Variants in RPS6KA3 observed in about 807,000 individuals in gnomAD.
The protein encoded by RPS6KA3 is ribosomal protein S6 kinase A3.
Under a neutral mutation model 67.2 loss-of-function variants are expected in RPS6KA3, and 4 were observed. The ratio of observed to expected loss-of-function variants is 0.06; its 90% CI spans 0.03 to 0.14. The LOEUF (loss-of-function observed/expected upper bound fraction) is 0.14, where lower values mean the gene tolerates loss of function less well. Among genes scored for constraint, RPS6KA3 ranks in the 10% least tolerant of loss-of-function variants. The pLI, the probability that RPS6KA3 is intolerant of heterozygous loss-of-function variation, is 1.00. For synonymous variants in RPS6KA3, 182 were observed against 183.7 expected, an observed-to-expected ratio of 0.99 and a Z score of 0.07; for missense variants, 204 against 559.0, an observed-to-expected ratio of 0.36 and a Z score of 6.40.
intron 1 of RPS6KA3, among the ~76,000 whole-genome samples, chrX:20,265,201 G>T (rs1299074270): frequency 9.0e-6 from 1 of 111,598 alleles, no homozygotes; most frequent in Non-Finnish European, 1.9e-5. Context: ...TTACAACTCT[G>T]CGTGCGTTAA....
chrX:20,220,788 C>G (rs1187036057), intron 2 of RPS6KA3, among the ~76,000 whole-genome samples: 1 of 111,068 alleles, frequency 9.0e-6, no homozygotes, highest in African/African-American at 3.3e-5. Flanking sequence ...GAAATGATAC[C>G]TTAATTAAAA....
chrX:20,158,302 T>C (rs761380754), intron 20 of RPS6KA3, among the ~76,000 whole-genome samples: 2 of 93,356 alleles, frequency 2.1e-5, no homozygotes, highest in African/African-American at 4.1e-5. Flanking sequence ...AAGTTGGAGG[T>C]TGCAGTGAGC....
At chrX:20,170,166 TA>T (rs2067536898) in intron 15 of RPS6KA3, among the ~76,000 whole-genome samples, 1 of 112,185 alleles carries the variant, frequency 8.9e-6, no homozygotes, top group Non-Finnish European at 1.9e-5. Context: ...GGCTGCTCCT[TA>T]AAAATATTTT....
chrX:20,152,044 T>G lies in RPS6KA3; in HGVS notation c.*3354A>C, dbSNP rs1177645203. The G allele has an allele frequency of 8.9e-6, 1 of 112,174 alleles. No homozygotes were observed. The highest frequency in any genetic ancestry group is 1.9e-5 in the Non-Finnish European group (1 of 53,291). 9.2% of individuals were successfully genotyped at this position (112,174 alleles called of 1,213,427 possible). On this transcript the variant is annotated 3_prime_UTR_variant, in exon 22 of 22. Coordinates refer to ENST00000379565, the MANE Select transcript of RPS6KA3 (RefSeq NM_004586.3). ...TGGGAAATGGTTGACCCAAACCCGC[T>G]TTTTGGAGTACACTGCATGTGAAAT...
chrX:20,211,206 A>G (rs779703326), intron 2 of RPS6KA3, among the ~76,000 whole-genome samples: 54 of 111,704 alleles, frequency 4.8e-4, no homozygotes, highest in Admixed American at 1.6e-3. Context: ...AGTAAACCTT[A>G]GAACAAGCAT....
At chrX:20,177,632 A>T (rs2067732009) in intron 10 of RPS6KA3, among the ~76,000 whole-genome samples, 1 of 112,439 alleles carries the variant, frequency 8.9e-6, no homozygotes, top group African/African-American at 3.2e-5. Flanking sequence ...TGTTACTAAG[A>T]ACTTTGTGAC....
chrX:20,214,235 T>C (rs989530746), intron 2 of RPS6KA3, among the ~76,000 whole-genome samples: 2 of 111,980 alleles, frequency 1.8e-5, no homozygotes, highest in Non-Finnish European at 3.8e-5. Flanking sequence ...CATCTTGGGA[T>C]AGGTCTTCAG....
At chrX:20,185,987 T>C (rs777730643) in intron 10 of RPS6KA3, among the ~76,000 whole-genome samples, 3 of 112,294 alleles carry the variant, frequency 2.7e-5, no homozygotes, top group Non-Finnish European at 1.9e-5. Context: ...TTGCCCAGGA[T>C]GGAGTGCAGT....
rs778745774 is a variant in RPS6KA3, at chrX:20,230,839, G to A, written c.126+3919C>T. Among the ~76,000 whole-genome samples the A allele has an allele frequency of 8.4e-4, 94 of 111,320 alleles. 1 individual carries two copies. The highest frequency in any genetic ancestry group is 2.9e-3 in the African/African-American group (90 of 30,621). On this transcript the variant is annotated intron_variant, in intron 2 of 21. Coordinates refer to ENST00000379565, the MANE Select transcript of RPS6KA3 (RefSeq NM_004586.3). ...CACCTAACATTTTAAATATACATAC[G>A]CAATAACCAGATGGAAAACATAGCA...
At chrX:20,186,430 TAAA>T (rs758237862) in intron 9 of RPS6KA3, 64 bp from the exon 10 acceptor site, 885 of 550,093 alleles carry the variant, frequency 1.6e-3, no homozygotes, top group Middle Eastern at 2.1e-3. Context: ...GGCCAGAAGG[TAAA>T]AAAAAAAAAA....
At position 20,156,196 on chromosome X, in the gene RPS6KA3, A is replaced by G; in HGVS notation, c.2013T>C (p.Ala671=). 8.3e-7 allele frequency: 1 copy of G among 1,209,377 alleles called. No homozygotes were observed. Among genetic ancestry groups the G allele is most frequent in the Non-Finnish European group, 1.1e-6 (1 of 893,260 alleles). The change falls in exon 21 of 22, where the codon GCT becomes GCC. Residue 671 remains alanine, a synonymous_variant. Transcript: ENST00000379565. ...HVDPHQRLTA[A]LVLRHPWIVH... is the part of the protein sequence containing the mutation. Reference sequence around the variant, plus strand: ...CGATCCAAGGATGTCTGAGCACAAGAGCAGCAGTCAGTCTCTGATGAGGGT... The same window carrying G: ...CGATCCAAGGATGTCTGAGCACAAGGGCAGCAGTCAGTCTCTGATGAGGGT...
intron 6 of RPS6KA3, 90 bp from the exon 7 acceptor site, chrX:20,193,683 A>G (rs2068200173): frequency 1.9e-6 from 1 of 525,472 alleles, no homozygotes. Context: ...TATCCTAAAA[A>G]TTTTATAAAT....
chrX:20,182,916 T>A (rs2148675439), intron 10 of RPS6KA3, among the ~76,000 whole-genome samples: 1 of 111,945 alleles, frequency 8.9e-6, no homozygotes. Flanking sequence ...GGCAGCAGTC[T>A]GGGCCAAAAA....
intron 2 of RPS6KA3, among the ~76,000 whole-genome samples, chrX:20,225,243 GTTTTTT>G (rs374712907): frequency 6.3e-5 from 5 of 79,926 alleles, no homozygotes; most frequent in African/African-American, 2.6e-4. Flanking sequence ...TTTTTTTTTT[GTTTTTT>G]TTTTTGTTTT....
intron 2 of RPS6KA3, among the ~76,000 whole-genome samples, chrX:20,228,255 CGT>C (rs1171535864): frequency 8.9e-6 from 1 of 111,875 alleles, no homozygotes; most frequent in Non-Finnish European, 1.9e-5. Flanking sequence ...TAAATATTTG[CGT>C]GAGGCATTAG....
chrX:20,211,572 CAAACA>C (rs981831073), intron 2 of RPS6KA3, among the ~76,000 whole-genome samples: 10 of 107,984 alleles, frequency 9.3e-5, no homozygotes, highest in East Asian at 2.9e-4. Context: ...ACCAAAACAA[CAAACA>C]AAACAAAACA....
chrX:20,250,783 G>T (rs1169740835), intron 1 of RPS6KA3, among the ~76,000 whole-genome samples: 1 of 111,558 alleles, frequency 9.0e-6, no homozygotes, highest in Non-Finnish European at 1.9e-5. Flanking sequence ...TTTTTGTTGA[G>T]GATTCTGTGT....
chrX:20,189,226 T>C (rs973252232), intron 7 of RPS6KA3, among the ~76,000 whole-genome samples: 3 of 112,026 alleles, frequency 2.7e-5, no homozygotes, highest in Non-Finnish European at 5.6e-5. Context: ...TCTCCAGGGT[T>C]TTCTCTCTTC....
intron 17 of RPS6KA3, among the ~76,000 whole-genome samples, chrX:20,166,886 T>A (rs866912779): frequency 9.1e-6 from 1 of 110,161 alleles, no homozygotes; most frequent in Non-Finnish European, 1.9e-5. Flanking sequence ...CCCGGCTAAT[T>A]TTTGTACTTT....
Sources: gnomAD v4.1 joint callset for allele counts (sites outside exome capture counted in the v4.1 genomes callset) on GRCh38, gnomAD v4.1.1 for gene constraint, MANE v1.5 for transcripts, NCBI Gene and HGNC (gene_info 2026-07-23, HGNC 2026-07-21) for gene names.